SAMMSON: variants seen among roughly 807,000 people sequenced by gnomAD.
SAMMSON encodes long intergenic non-protein coding RNA 1212.
chr3:70,211,333 C>T (rs1701342940), intron 4 of SAMMSON, among the ~76,000 whole-genome samples: 2 of 68,104 alleles, frequency 2.9e-5, no homozygotes, highest in Non-Finnish European at 6.3e-5. Context: ...CTTCCTTTCC[C>T]TTCCCTTCCT....
chr3:70,354,501 A>G (rs1702815390), intron 8 of SAMMSON, among the ~76,000 whole-genome samples: 2 of 152,192 alleles, frequency 1.3e-5, no homozygotes, highest in South Asian at 4.1e-4. Context: ...AACAGAATCA[A>G]CCCTTCATTC....
At chr3:70,081,738 G>C (rs139811927) in intron 4 of SAMMSON, among the ~76,000 whole-genome samples, 325 of 152,302 alleles carry the variant, frequency 2.1e-3, no homozygotes, top group South Asian at 5.0e-3. Context: ...TCTTATTTGA[G>C]TTTGATAAAT....
chr3:70,389,968 A>G (rs557578524), downstream of SAMMSON: 2 of 152,180 alleles, frequency 1.3e-5, no homozygotes, highest in South Asian at 4.1e-4. Context: ...GCAACAGAGC[A>G]ATGACTGAAG....
chr3:70,135,143 G>T (rs1018269809), intron 4 of SAMMSON, among the ~76,000 whole-genome samples: 2 of 152,008 alleles, frequency 1.3e-5, no homozygotes, highest in African/African-American at 4.8e-5. Context: ...GCATTTATTT[G>T]TCAATAAAAC....
chr3:70,402,248 A>G (rs1701146473), intron 2 of SAMMSON, among the ~76,000 whole-genome samples: 1 of 152,194 alleles, frequency 6.6e-6, no homozygotes, highest in Non-Finnish European at 1.5e-5. Flanking sequence ...AATAAAACAT[A>G]TATTTCTTAC....
At chr3:70,103,144 C>T (rs1050794589) in intron 4 of SAMMSON, among the ~76,000 whole-genome samples, 4 of 152,142 alleles carry the variant, frequency 2.6e-5, no homozygotes, top group African/African-American at 4.8e-5. Flanking sequence ...AAATTGGTAC[C>T]GTGCTGGAAT....
intron 7 of SAMMSON, among the ~76,000 whole-genome samples, chr3:70,304,100 T>A (rs1437423685): frequency 6.6e-6 from 1 of 152,074 alleles, no homozygotes; most frequent in Non-Finnish European, 1.5e-5. Context: ...TCAACCAGGG[T>A]CTATGAAAGG....
chr3:70,163,937 T>C (rs1352017115), intron 4 of SAMMSON, among the ~76,000 whole-genome samples: 2 of 152,016 alleles, frequency 1.3e-5, no homozygotes, highest in African/African-American at 4.8e-5. Context: ...GTAATTGCCT[T>C]GTATAGTTTA....
intron 4 of SAMMSON, among the ~76,000 whole-genome samples, chr3:70,203,366 T>C (rs1701259730): frequency 6.6e-6 from 1 of 152,156 alleles, no homozygotes; most frequent in South Asian, 2.1e-4. Flanking sequence ...ATGTCTGTAA[T>C]GTAGAATGGG....
intron 4 of SAMMSON, among the ~76,000 whole-genome samples, chr3:70,248,290 A>T (rs989745646): frequency 3.9e-5 from 6 of 152,144 alleles, no homozygotes; most frequent in African/African-American, 1.4e-4. Flanking sequence ...AATAGATTGC[A>T]GGAATGTCTT....
At chr3:70,117,512 A>G (rs2067416324) in intron 4 of SAMMSON, among the ~76,000 whole-genome samples, 1 of 152,254 alleles carries the variant, frequency 6.6e-6, no homozygotes, top group African/African-American at 2.4e-5. Flanking sequence ...TGAATCATCA[A>G]TTCTTCTTGC....
intron 4 of SAMMSON, among the ~76,000 whole-genome samples, chr3:70,123,990 G>A (rs1329551625): frequency 1.3e-5 from 2 of 152,238 alleles, no homozygotes; most frequent in Non-Finnish European, 2.9e-5. Context: ...TGTTGCCTCT[G>A]AACAGATTGG....
chr3:70,288,027 T>A (rs1702186625), intron 6 of SAMMSON, among the ~76,000 whole-genome samples: 1 of 151,806 alleles, frequency 6.6e-6, no homozygotes, highest in Non-Finnish European at 1.5e-5. Context: ...ATTCATTAAT[T>A]TTTTGAAGGG....
chr3:70,378,160 TAA>T lies in SAMMSON; in HGVS notation n.914-11413_914-11412del, dbSNP rs570797816. Among the ~76,000 whole-genome samples the T allele has an allele frequency of 2.4e-3, 358 of 151,332 alleles. 1 individual carries two copies. Among genetic ancestry groups the T allele is most frequent in the African/African-American group, 8.2e-3 (340 of 41,432 alleles). Reference sequence around the variant, plus strand: ...TTTATATATAATTTAGTTATATATATAAGTGTTTATTTTAACATAGAATAGCA... The same window carrying T: ...TTTATATATAATTTAGTTATATATATGTGTTTATTTTAACATAGAATAGCA... On this transcript the variant is annotated intron_variant and non_coding_transcript_variant, in intron 9 of 9. Coordinates refer to ENST00000642114, the Ensembl canonical transcript of SAMMSON.
chr3:70,400,331 G>A (rs142995434), intron 2 of SAMMSON, among the ~76,000 whole-genome samples: 69 of 152,216 alleles, frequency 4.5e-4, no homozygotes, highest in African/African-American at 1.0e-3. Context: ...CCTCATGAAC[G>A]GATCAATGCC....
chr3:70,247,463 A>T (rs9310183), intron 4 of SAMMSON, among the ~76,000 whole-genome samples: 17,308 of 151,748 alleles, frequency 0.11, 1,969 homozygotes, highest in African/African-American at 0.29. Context: ...ATTCTTTATC[A>T]TATAATATAT....
rs1553657414 is a variant in SAMMSON, at chr3:70,345,761, G to GC, written n.740-8414_740-8413insC. Among the ~76,000 whole-genome samples, 6 of 151,596 alleles carry GC rather than the reference G, an allele frequency of 4.0e-5. No homozygotes were observed. The East Asian group carries it at 1.2e-3, about 29-fold the overall frequency. ...ATATAGTATGTAGCCTTTTCAGACT[G>GC]TTTTTTTTAACTTAGCGATAGCATT... is the stretch of plus-strand genomic sequence containing the variant. On this transcript the variant is annotated intron_variant and non_coding_transcript_variant, in intron 7 of 9. Transcript: ENST00000642114.
intron 9 of SAMMSON, among the ~76,000 whole-genome samples, chr3:70,383,772 A>T (rs1703093955): frequency 6.6e-6 from 1 of 152,018 alleles, no homozygotes; most frequent in Non-Finnish European, 1.5e-5. Context: ...GATGAAAAGC[A>T]TTCTAGATAT....
chr3:70,332,107 G>A (rs549629731), intron 7 of SAMMSON, among the ~76,000 whole-genome samples: 3 of 152,290 alleles, frequency 2.0e-5, no homozygotes, highest in East Asian at 3.9e-4. Context: ...AATATTCAAA[G>A]CAAAGGACAT....
Sources: allele counts gnomAD v4.1 joint callset (sites outside exome capture counted in the v4.1 genomes callset), GRCh38; gene constraint gnomAD v4.1.1; transcripts MANE v1.5; gene names NCBI Gene and HGNC (gene_info 2026-07-23, HGNC 2026-07-21).